PLCB3: variants seen among roughly 807,000 people sequenced by gnomAD.
The protein encoded by PLCB3 is phospholipase C beta 3.
In PLCB3, 54 loss-of-function variants were observed where a neutral mutation model predicts 152.1. That is an observed-to-expected ratio of 0.36 (90% confidence interval 0.29 to 0.45). The LOEUF (loss-of-function observed/expected upper bound fraction) is 0.45, where lower values mean the gene tolerates loss of function less well. Ranked by LOEUF, PLCB3 falls within the 20% of genes least tolerant of loss-of-function variation. The pLI is 1.00. For missense variants in PLCB3, 1,248 were observed against 1,687.5 expected, an observed-to-expected ratio of 0.74 and a Z score of 4.56; for synonymous variants, 717 against 698.7, an observed-to-expected ratio of 1.03 and a Z score of -0.41.
Position 64,267,461 on chromosome 11 carries a change from C to T in PLCB3, c.3610C>T (p.Leu1204=), listed in dbSNP as rs1391785279. ...EMPEGLGDGP[L]VACASNGHAP... is the part of the protein sequence containing the mutation. ...GCCGGAGGGGCTGGGGGACGGGCCT[C>T]TGGTGGCCTGTGCCAGCAACGGTCA... The change falls in exon 31 of 31, where the codon CTG becomes TTG. Residue 1204 remains leucine (L), a synonymous_variant. Coordinates refer to ENST00000279230, the MANE Select transcript of PLCB3 (RefSeq NM_000932.5). The surrounding 1 kb of genome is among the most constrained non-coding windows in gnomAD (Gnocchi z 5.2). 4.5e-6 allele frequency: 7 copies of T among 1,559,356 alleles called. No homozygotes were observed. The African/African-American group carries it at 5.4e-5, about 12-fold the overall frequency.
intron 1 of PLCB3, among the ~76,000 whole-genome samples, chr11:64,253,573 G>A (rs2031350047): frequency 6.6e-6 from 1 of 152,252 alleles, no homozygotes; most frequent in African/African-American, 2.4e-5. Context: ...TGGAATAGGA[G>A]GGTTCTACCT....
Position 64,264,070 on chromosome 11 carries a change from C to T in PLCB3, c.2610C>T (p.Asp870=). ...INPIKHVSLM[D]QRARQLAALI... is the part of the protein sequence containing the mutation. ...CCATTAAGCACGTCAGCCTGATGGA[C>T]CAGAGGGCCCGGCAGCTGGCCGCCC... Residue 870 remains aspartate, a synonymous_variant, in exon 22 of 31, where the codon GAC becomes GAT. Transcript: ENST00000279230. 1.3e-6 allele frequency: 2 copies of T among 1,560,034 alleles called. No homozygotes were observed. The highest frequency in any genetic ancestry group is 1.7e-6 in the Non-Finnish European group (2 of 1,154,420).
rs760924697 is a variant in PLCB3 at position 64,254,754 on chromosome 11, G to A, written c.184G>A (p.Asp62Asn). The A allele has an allele frequency of 1.2e-6, 2 of 1,612,918 alleles. No individual in the cohort carries two copies. Among genetic ancestry groups the A allele is most frequent in the East Asian group, 2.2e-5 (1 of 44,884 alleles). The part of the protein sequence containing the change: ...LYWTGPNMEV[D>N]TLDISSIRDT... ...GGCATCTGGTTCCCCCCAGGAGGTGGACACACTGGACATCAGTTCCATCAG... is the reference window on the plus strand; with the variant it reads ...GGCATCTGGTTCCCCCCAGGAGGTGAACACACTGGACATCAGTTCCATCAG... The change falls in exon 3 of 31, where the codon GAC becomes AAC. Residue 62 changes from aspartate to asparagine, a missense_variant. Asp to Asn is a conservative substitution (Grantham distance 23). Around this residue, in one of 6 missense-constraint regions of PLCB3, gnomAD observed 299 missense variants for 434.7 expected, o/e 0.69. Coordinates refer to ENST00000279230, the MANE Select transcript of PLCB3 (RefSeq NM_000932.5).
Position 64,258,891 on chromosome 11 carries a change from G to A in PLCB3, c.1260G>A (p.Lys420=), listed in dbSNP as rs2031683984. The part of the protein sequence containing the change: ...LSFENHVDSA[K]QQAKMAEYCR... ...TCTGACCTCGGTTCCGCAGGGCAAA[G>A]CAACAGGCAAAGATGGCTGAGTACT... Residue 420 remains lysine (K), a synonymous_variant, in exon 12 of 31, where the codon AAG becomes AAA. Transcript: ENST00000279230. This position sits in a 1 kb window ranked among gnomAD's most constrained non-coding sequence, Gnocchi z 7.2. The A allele has an allele frequency of 1.2e-6, 2 of 1,613,868 alleles. No individual in the cohort carries two copies. The highest frequency in any genetic ancestry group is 2.7e-5 in the African/African-American group (2 of 74,890).
chr11:64,260,040 T>A lies in PLCB3; in HGVS notation c.1537T>A (p.Ser513Thr). The change falls in exon 14 of 31, where the codon TCT becomes ACT. Residue 513 changes from serine to threonine, a missense_variant. Transcript: ENST00000279230. ...CCTGTCCTCTGCAGGGTCTCCCAGCTCTGACAGCTGCCCAGGCCTGAGCAA... is the reference window on the plus strand; with the variant it reads ...CCTGTCCTCTGCAGGGTCTCCCAGCACTGACAGCTGCCCAGGCCTGAGCAA... ...PSSPQLGSPS[S>T]DSCPGLSNGE... The A allele has an allele frequency of 6.2e-7, 1 of 1,610,848 alleles. No individual in the cohort carries two copies. Among genetic ancestry groups the A allele is most frequent in the Non-Finnish European group, 8.5e-7 (1 of 1,179,122 alleles).
Position 64,267,582 on chromosome 11 carries a change from G to A in PLCB3, c.*26G>A, listed in dbSNP as rs1291972047. On this transcript the variant is annotated 3_prime_UTR_variant, in exon 31 of 31. Transcript: ENST00000279230. The surrounding 1 kb of genome is among the most constrained non-coding windows in gnomAD (Gnocchi z 5.2). The stretch of plus-strand genomic sequence containing the variant: ...ACTGGCTGAGCGAGGTGGCCACAGG[G>A]CCAGGGCGGGCGCTGGGTGGAGGGC... 3.9e-6 allele frequency: 6 copies of A among 1,531,570 alleles called. No homozygotes were observed. Among genetic ancestry groups the A allele is most frequent in the South Asian group, 3.6e-5 (3 of 84,342 alleles). The allele number at this position is 1,531,570 out of a possible 1,614,324, so 94.9% of individuals were successfully genotyped here. A position where few individuals can be genotyped will look rare whatever the true frequency, so the allele number is the denominator to read the frequency against.
chr11:64,267,124 GC>G lies in PLCB3; in HGVS notation c.3415-59del, dbSNP rs1465342703. On this transcript the variant is annotated intron_variant, in intron 29 of 30. Transcript: ENST00000279230. This position sits in a 1 kb window ranked among gnomAD's most constrained non-coding sequence, Gnocchi z 5.2. ...CACCTGACTTCTATACCCAGCCAGAGCCTCGAGGCTCTAGCCCCTCCCTCAG... is the reference window on the plus strand; with the variant it reads ...CACCTGACTTCTATACCCAGCCAGAGCTCGAGGCTCTAGCCCCTCCCTCAG... 4 of 1,459,922 alleles carry G rather than the reference GC, an allele frequency of 2.7e-6. No homozygotes were observed. In the African/African-American group the frequency reaches 5.6e-5, roughly 21 times the overall value. The allele number at this position is 1,459,922 out of a possible 1,614,324, so 90.4% of individuals were successfully genotyped here.
Position 64,266,264 on chromosome 11 carries a change from A to G in PLCB3, c.3267-51A>G. The G allele has an allele frequency of 6.2e-7, 1 of 1,613,764 alleles. No homozygotes were observed. On this transcript the variant is annotated intron_variant, in intron 27 of 30. Coordinates refer to ENST00000279230, the MANE Select transcript of PLCB3 (RefSeq NM_000932.5). The surrounding 1 kb of genome is among the most constrained non-coding windows in gnomAD (Gnocchi z 4.9). ...ACTTCTAGTACCAGAAGGAGGGCAG[A>G]GTCTGTGCTTCTGCCGCTGACCCCT... is the stretch of plus-strand genomic sequence containing the variant.
chr11:64,265,147 C>A, intron 23 of PLCB3, 43 bp downstream of exon 23: 2 of 1,557,476 alleles, frequency 1.3e-6, no homozygotes, highest in Non-Finnish European at 1.7e-6. Context: ...AGGGAGGCAC[C>A]CCCCACCCTG....
In PLCB3 at chr11:64,267,107, T is replaced by C; in HGVS notation, c.3415-78T>C. 1 of 1,361,672 alleles carries C rather than the reference T, an allele frequency of 7.3e-7. No individual in the cohort carries two copies. Among genetic ancestry groups the C allele is most frequent in the South Asian group, 1.2e-5 (1 of 80,112 alleles). The allele number at this position is 1,361,672 out of a possible 1,614,324, so 84.3% of individuals were successfully genotyped here. A position where few individuals can be genotyped will look rare whatever the true frequency, so the allele number is the denominator to read the frequency against. On this transcript the variant is annotated intron_variant, in intron 29 of 30. Coordinates refer to ENST00000279230, the MANE Select transcript of PLCB3 (RefSeq NM_000932.5). The surrounding 1 kb of genome is among the most constrained non-coding windows in gnomAD (Gnocchi z 5.2). ...CTGCACCCGGCCTCGCCCACCTGAC[T>C]TCTATACCCAGCCAGAGCCTCGAGG... is the stretch of plus-strand genomic sequence containing the variant.
At position 64,259,223 on chromosome 11, in the gene PLCB3, G is replaced by A. The variant is rs370491975; in HGVS notation, c.1504G>A (p.Glu502Lys). Residue 502 changes from glutamate (E) to lysine (K), a missense_variant, in exon 13 of 31, where the codon GAG (glutamate) becomes AAG (lysine). Physicochemically the swap from Glu to Lys is moderately conservative, Grantham distance 56. Transcript: ENST00000279230. ...SALSESSAAT[E>K]PSSPQLGSPS... is the part of the protein sequence containing the mutation. ...CCTGAGCGAGAGCTCCGCGGCCACCGAGCCCTCCTCCCCGCAGCTGGGTAG... is the reference window on the plus strand; with the variant it reads ...CCTGAGCGAGAGCTCCGCGGCCACCAAGCCCTCCTCCCCGCAGCTGGGTAG... The A allele has an allele frequency of 1.8e-4, 282 of 1,551,080 alleles. 3 individuals carry two copies. Among genetic ancestry groups the A allele is most frequent in the South Asian group, 4.3e-4 (37 of 85,394 alleles).
Position 64,266,251 on chromosome 11 carries a change from A to C in PLCB3, c.3266+49A>C, listed in dbSNP as rs1256925724. ...GGAAGGGCTGGGGACTTCTAGTACC[A>C]GAAGGAGGGCAGAGTCTGTGCTTCT... On this transcript the variant is annotated intron_variant, in intron 27 of 30. Coordinates refer to ENST00000279230, the MANE Select transcript of PLCB3 (RefSeq NM_000932.5). The surrounding 1 kb of genome is among the most constrained non-coding windows in gnomAD (Gnocchi z 4.9). 6.2e-7 allele frequency: 1 copy of C among 1,613,880 alleles called. No homozygotes were observed. The highest frequency in any genetic ancestry group is 8.5e-7 in the Non-Finnish European group (1 of 1,179,940).
intron 18 of PLCB3, 39 bp from the exon 19 acceptor site, chr11:64,262,608 C>T (rs1163027381): frequency 6.2e-7 from 1 of 1,612,438 alleles, no homozygotes; most frequent in Admixed American, 1.7e-5. Context: ...GGGGGCAGGA[C>T]TCTCAGCATC....
In PLCB3 at chr11:64,263,514, T is replaced by C; in HGVS notation, c.2372T>C (p.Leu791Pro). The C allele has an allele frequency of 6.4e-7, 1 of 1,562,500 alleles. No homozygotes were observed. Among genetic ancestry groups the C allele is most frequent in the Non-Finnish European group, 8.7e-7 (1 of 1,153,544 alleles). The change falls in exon 20 of 31, where the codon CTG becomes CCG. Residue 791 changes from leucine (L) to proline (P), a missense_variant. Leu to Pro is a moderately conservative substitution (Grantham distance 98). This residue lies in a region of PLCB3 where 244 missense variants were observed against 424.4 expected (regional missense o/e 0.57). Coordinates refer to ENST00000279230, the MANE Select transcript of PLCB3 (RefSeq NM_000932.5). ...GGCCCACAGGTGGTGCTGCCCACGC[T>C]GGCTTCACTTCGCATTGCAGCCTTT... ...FDFPKVVLPT[L>P]ASLRIAAFEE...
At position 64,256,782 on chromosome 11, in the gene PLCB3, G is replaced by A. The variant is rs753884683; in HGVS notation, c.1012+18G>A. 1.9e-6 allele frequency: 3 copies of A among 1,611,888 alleles called. No individual in the cohort carries two copies. Among genetic ancestry groups the A allele is most frequent in the East Asian group, 2.2e-5 (1 of 44,856 alleles). On this transcript the variant is annotated intron_variant, in intron 10 of 30. Transcript: ENST00000279230. ...TCTCACTGGTGAGTGGGGAGCAAGG[G>A]TGGCACCCGTGACCTCTGCCCTGTG...
rs781211293 is a variant in PLCB3 at position 64,259,233 on chromosome 11, C to T, written c.1514C>T (p.Ser505Phe). 6.5e-7 allele frequency: 1 copy of T among 1,540,782 alleles called. No homozygotes were observed. The highest frequency in any genetic ancestry group is 2.4e-5 in the East Asian group (1 of 41,394). The change falls in exon 13 of 31, where the codon TCC (serine) becomes TTC (phenylalanine). Residue 505 changes from serine to phenylalanine, a missense_variant. Physicochemically the swap from Ser to Phe is radical, Grantham distance 155. Around this residue, in one of 6 missense-constraint regions of PLCB3, gnomAD observed 105 missense variants for 100.9 expected, o/e 1.04. Transcript: ENST00000279230. The stretch of plus-strand genomic sequence containing the variant: ...AGCTCCGCGGCCACCGAGCCCTCCT[C>T]CCCGCAGCTGGGTAGGCCCCAGCCC... ...SESSAATEPS[S>F]PQLGSPSSDS...
In PLCB3 at chr11:64,258,415, G is replaced by A. The variant is rs1165833623; in HGVS notation, c.1013-58G>A. ...GCATGTCCTGGTTCCAGGTGGGGCC[G>A]GGGTGGTGAGGAGCTGGGCTGGTGG... On this transcript the variant is annotated intron_variant, in intron 10 of 30. Coordinates refer to ENST00000279230, the MANE Select transcript of PLCB3 (RefSeq NM_000932.5). The surrounding 1 kb of genome is among the most constrained non-coding windows in gnomAD (Gnocchi z 7.2). 1.1e-5 allele frequency: 18 copies of A among 1,581,714 alleles called. No homozygotes were observed. The highest frequency in any genetic ancestry group is 1.5e-5 in the Non-Finnish European group (18 of 1,165,096).
chr11:64,251,879 G>T, intron 1 of PLCB3, 131 bp downstream of exon 1: 1 of 459,966 alleles, frequency 2.2e-6, no homozygotes, highest in Non-Finnish European at 3.8e-6. Flanking sequence ...GCGGCGCCCC[G>T]GAAACTTAAG....
chr11:64,258,669 C>G lies in PLCB3; in HGVS notation c.1209C>G (p.Thr403=), dbSNP rs2135050032. The G allele has an allele frequency of 6.2e-7, 1 of 1,614,046 alleles. No individual in the cohort carries two copies. The highest frequency in any genetic ancestry group is 8.5e-7 in the Non-Finnish European group (1 of 1,180,010). Residue 403 remains threonine, a synonymous_variant, in exon 11 of 31, where the codon ACC becomes ACG. Transcript: ENST00000279230. The surrounding 1 kb of genome is among the most constrained non-coding windows in gnomAD (Gnocchi z 7.2). ...LEAIAETAFK[T]SPYPVILSFE... ...CCATTGCCGAGACTGCCTTCAAGAC[C>G]TCGCCCTACCCCGTCATCCTCTCCT...
Sources: allele counts gnomAD v4.1 joint callset (sites outside exome capture counted in the v4.1 genomes callset), GRCh38; gene constraint gnomAD v4.1.1; regional missense constraint gnomAD v4.1.1; non-coding constraint Gnocchi (gnomAD v3.1); transcripts MANE v1.5; gene names NCBI Gene and HGNC (gene_info 2026-07-23, HGNC 2026-07-21).